Variants in ARPC1A observed in about 807,000 individuals in gnomAD.
ARPC1A encodes actin related protein 2/3 complex subunit 1A, also known as actin-related protein 2/3 complex subunit 1A.
Under a neutral mutation model 46.9 loss-of-function variants are expected in ARPC1A, and 8 were observed. The observed-to-expected ratio is 0.17, with a 90% CI of 0.10 to 0.31. The LOEUF (loss-of-function observed/expected upper bound fraction) is 0.31. ARPC1A is among the 10% of genes least tolerant of loss of function. The pLI is 1.00. For missense variants in ARPC1A, 286 were observed against 483.6 expected (o/e 0.59, Z 3.83); for synonymous variants, 152 against 169.0 (o/e 0.90, Z 0.78).
intron 1 of ARPC1A, among the ~76,000 whole-genome samples, chr7:99,331,673 C>T (rs1347651891): frequency 1.3e-5 from 2 of 152,088 alleles, no homozygotes; most frequent in African/African-American, 2.4e-5. Flanking sequence ...AATCTCAGCA[C>T]TTTGGGAGGC....
chr7:99,340,697 T>G (rs1793344824), intron 3 of ARPC1A, among the ~76,000 whole-genome samples: 1 of 152,200 alleles, frequency 6.6e-6, no homozygotes, highest in Non-Finnish European at 1.5e-5. Context: ...TCTAATCACC[T>G]AAAATACTGA....
intron 7 of ARPC1A, 153 bp downstream of exon 7, chr7:99,358,568 T>A: frequency 1.5e-6 from 1 of 665,122 alleles, no homozygotes; most frequent in Non-Finnish European, 2.4e-6. Flanking sequence ...TGAGATGGAG[T>A]TTTGCTCTTG....
intron 5 of ARPC1A, among the ~76,000 whole-genome samples, chr7:99,353,457 C>CCTAT: frequency 7.2e-6 from 1 of 139,408 alleles, no homozygotes; most frequent in East Asian, 2.2e-4. Flanking sequence ...CGCACCCAGC[C>CCTAT]TTATTTATTT....
chr7:99,362,009 G>A (rs562229361), intron 8 of ARPC1A, among the ~76,000 whole-genome samples: 99 of 152,180 alleles, frequency 6.5e-4, no homozygotes, highest in East Asian at 9.7e-4. Flanking sequence ...AAACGTAAAA[G>A]CCGGGTCAGG....
chr7:99,339,641 T>C (rs762087444), intron 3 of ARPC1A, among the ~76,000 whole-genome samples: 13 of 152,252 alleles, frequency 8.5e-5, no homozygotes, highest in Non-Finnish European at 1.6e-4. Flanking sequence ...CATTCATGAT[T>C]GTTTCTGAGA....
At chr7:99,358,497 G>A in intron 7 of ARPC1A, 82 bp downstream of exon 7, 1 of 1,112,982 alleles carries the variant, frequency 9.0e-7, no homozygotes, top group Non-Finnish European at 1.3e-6. Flanking sequence ...TGTCACCCTA[G>A]CACAAAGCAG....
At chr7:99,350,843 C>T (rs1215330632) in intron 5 of ARPC1A, among the ~76,000 whole-genome samples, 1 of 151,186 alleles carries the variant, frequency 6.6e-6, no homozygotes, top group Non-Finnish European at 1.5e-5. Context: ...GATGGGGTCT[C>T]ACTATGTTGC....
At chr7:99,345,412 C>T (rs1793429273) in intron 4 of ARPC1A, among the ~76,000 whole-genome samples, 1 of 152,122 alleles carries the variant, frequency 6.6e-6, no homozygotes, top group Non-Finnish European at 1.5e-5. Context: ...ATGGCCAAAA[C>T]TTATTTTAAC....
chr7:99,360,078 G>A, intron 8 of ARPC1A: 1 of 362,962 alleles, frequency 2.8e-6, no homozygotes. Context: ...GAGAACAAAA[G>A]GAGACATTCC....
At chr7:99,336,994 A>G (rs912659651) in intron 2 of ARPC1A, among the ~76,000 whole-genome samples, 1 of 152,074 alleles carries the variant, frequency 6.6e-6, no homozygotes, top group Non-Finnish European at 1.5e-5. Context: ...AAAAAAAAAC[A>G]GATGAACTAG....
intron 3 of ARPC1A, among the ~76,000 whole-genome samples, chr7:99,342,322 G>A (rs545244247): frequency 1.9e-4 from 29 of 152,236 alleles, no homozygotes; most frequent in Middle Eastern, 3.4e-3. Context: ...GGAGGCTGAG[G>A]CAGGCAGATC....
rs5886103 is a variant in ARPC1A at position 99,358,536 on chromosome 7, CTTTTTTTTTTT to C, written c.789+133_789+143del. ...AGTTTTTTAGAAGAAACAGAGCTCA[CTTTTTTTTTTT>C]TTTTTTTTTTTGAGATGGAGTTTTG... On this transcript the variant is annotated intron_variant, in intron 7 of 9. Coordinates refer to ENST00000262942, the MANE Select transcript of ARPC1A (RefSeq NM_006409.4). 125 of 319,830 alleles carry C rather than the reference CTTTTTTTTTTT, an allele frequency of 3.9e-4. 1 individual carries two copies. The highest frequency in any genetic ancestry group is 3.8e-3 in the African/African-American group (106 of 27,794). 19.8% of individuals were successfully genotyped at this position (319,830 alleles called of 1,614,324 possible). A position where few individuals can be genotyped will look rare whatever the true frequency, so the allele number is the denominator to read the frequency against.
chr7:99,332,803 G>C (rs1024040253), intron 1 of ARPC1A, among the ~76,000 whole-genome samples: 5 of 148,212 alleles, frequency 3.4e-5, no homozygotes, highest in Non-Finnish European at 7.5e-5. Flanking sequence ...GGGTTTCACC[G>C]TGTTAGCCAG....
chr7:99,358,234 G>T, intron 6 of ARPC1A, 106 bp from the exon 7 acceptor site: 5 of 1,090,706 alleles, frequency 4.6e-6, no homozygotes, highest in South Asian at 1.4e-5. Flanking sequence ...AGTGCCCATT[G>T]ATACTGCAGA....
chr7:99,331,017 G>A (rs1246394270), intron 1 of ARPC1A, among the ~76,000 whole-genome samples: 1 of 152,182 alleles, frequency 6.6e-6, no homozygotes, highest in Non-Finnish European at 1.5e-5. Flanking sequence ...AGTTTAAAAA[G>A]TATTATCACA....
intron 1 of ARPC1A, among the ~76,000 whole-genome samples, chr7:99,332,610 T>A (rs1335363186): frequency 6.6e-6 from 1 of 152,010 alleles, no homozygotes; most frequent in Non-Finnish European, 1.5e-5. Flanking sequence ...ATAGATTTTT[T>A]TTTTTTTTTT....
At chr7:99,353,255 T>A (rs1000469700) in intron 5 of ARPC1A, among the ~76,000 whole-genome samples, 32 of 151,520 alleles carry the variant, frequency 2.1e-4, no homozygotes, top group African/African-American at 5.6e-4. Context: ...GCCTCCTGGG[T>A]TCACGCCATT....
intron 2 of ARPC1A, 80 bp downstream of exon 2, chr7:99,333,497 A>G (rs552333038): frequency 2.0e-5 from 24 of 1,212,818 alleles, no homozygotes; most frequent in Non-Finnish European, 2.9e-5. Flanking sequence ...GGGCTCACAT[A>G]TCTCAGTATC....
At chr7:99,328,927 G>T (rs975430618) in intron 1 of ARPC1A, among the ~76,000 whole-genome samples, 1 of 151,932 alleles carries the variant, frequency 6.6e-6, no homozygotes, top group African/African-American at 2.4e-5. Flanking sequence ...GTCCAGCCTG[G>T]GTGACAGAGC....
Sources: gnomAD v4.1 joint callset for allele counts (sites outside exome capture counted in the v4.1 genomes callset) on GRCh38, gnomAD v4.1.1 for gene constraint, MANE v1.5 for transcripts, NCBI Gene and HGNC (gene_info 2026-07-23, HGNC 2026-07-21) for gene names.